FIP1L1: variants seen among roughly 807,000 people sequenced by gnomAD.
FIP1L1 encodes factor interacting with PAPOLA and CPSF1.
A neutral mutation model predicts 84.6 loss-of-function variants in FIP1L1; 21 were observed. The ratio of observed to expected loss-of-function variants is 0.25; its 90% CI spans 0.18 to 0.36. The LOEUF (loss-of-function observed/expected upper bound fraction) is 0.36, where lower values mean the gene tolerates loss of function less well. Among genes scored for constraint, FIP1L1 ranks in the 10% least tolerant of loss-of-function variants. FIP1L1 has a pLI of 1.00. For synonymous variants in FIP1L1, 263 were observed against 242.3 expected (o/e 1.09, Z -0.80); for missense variants, 526 against 751.1 (o/e 0.70, Z 3.50).
At chr4:53,444,494 C>G (rs1357615177) in intron 15 of FIP1L1, among the ~76,000 whole-genome samples, 3 of 152,096 alleles carry the variant, frequency 2.0e-5, no homozygotes, top group African/African-American at 7.2e-5. Flanking sequence ...TGTAGGTCCC[C>G]TTTCATGTTC....
chr4:53,398,535 C>T (rs1748595196), intron 9 of FIP1L1, among the ~76,000 whole-genome samples: 2 of 152,134 alleles, frequency 1.3e-5, no homozygotes, highest in Non-Finnish European at 2.9e-5. Context: ...TCTTGAGATT[C>T]TCTTGGCCTT....
At chr4:53,392,524 A>G (rs1462047959) in intron 9 of FIP1L1, among the ~76,000 whole-genome samples, 1 of 152,250 alleles carries the variant, frequency 6.6e-6, no homozygotes, top group East Asian at 1.9e-4. Flanking sequence ...TTAAAGGGTC[A>G]TCAGTTTTTT....
At chr4:53,454,666 A>G (rs1371708050) in intron 16 of FIP1L1, among the ~76,000 whole-genome samples, 2 of 152,142 alleles carry the variant, frequency 1.3e-5, no homozygotes, top group Admixed American at 6.5e-5. Context: ...CCATAATTCT[A>G]AGTCGATTTA....
intron 11 of FIP1L1, among the ~76,000 whole-genome samples, chr4:53,421,084 A>C (rs1762224763): frequency 6.6e-6 from 1 of 152,216 alleles, no homozygotes; most frequent in Non-Finnish European, 1.5e-5. Context: ...TTTGATATGC[A>C]GGCAAGGTTG....
rs763328622 is a variant in FIP1L1 at position 53,377,847 on chromosome 4, C to T, written c.9C>T (p.Ala3=). Residue 3 remains alanine, a synonymous_variant, in exon 1 of 18, where the codon GCC becomes GCT. Coordinates refer to ENST00000337488, the MANE Select transcript of FIP1L1 (RefSeq NM_030917.4). MS[A]GEVERLVSEL... is the part of the protein sequence containing the mutation. ...TTGCGCTCGGGGCGGCCATGTCGGC[C>T]GGCGAGGTCGAGCGCCTAGTGTCGG... The T allele has an allele frequency of 5.7e-6, 9 of 1,583,956 alleles. No homozygotes were observed. The highest frequency in any genetic ancestry group is 1.7e-4 in the Middle Eastern group (1 of 6,006).
At chr4:53,407,192 A>G (rs1754069422) in intron 10 of FIP1L1, among the ~76,000 whole-genome samples, 1 of 151,938 alleles carries the variant, frequency 6.6e-6, no homozygotes, top group Non-Finnish European at 1.5e-5. Flanking sequence ...TGTGTCCCAG[A>G]GATTCTGGTA....
chr4:53,395,955 G>A (rs1214152022), intron 9 of FIP1L1, among the ~76,000 whole-genome samples: 1 of 146,026 alleles, frequency 6.8e-6, no homozygotes, highest in East Asian at 2.0e-4. Context: ...TTTCACTCTT[G>A]TTGCCCATGC....
At chr4:53,379,364 C>A in intron 3 of FIP1L1, 100 bp downstream of exon 3, 2 of 1,010,406 alleles carry the variant, frequency 2.0e-6, no homozygotes, top group Non-Finnish European at 1.5e-6. Context: ...GGCTTCATTA[C>A]AACACTGACT....
chr4:53,453,006 G>A lies in FIP1L1; in HGVS notation c.1372G>A (p.Glu458Lys). 1 of 1,613,830 alleles carries A rather than the reference G, an allele frequency of 6.2e-7. No individual in the cohort carries two copies. The highest frequency in any genetic ancestry group is 8.5e-7 in the Non-Finnish European group (1 of 1,179,920). Residue 458 changes from glutamate (E) to lysine (K), a missense_variant, in exon 16 of 18, where the codon GAG becomes AAG. Coordinates refer to ENST00000337488, the MANE Select transcript of FIP1L1 (RefSeq NM_030917.4). ...SKQWDYYARR[E>K]KDRDRERDRD... is the part of the protein sequence containing the mutation. ...GCAGTGGGACTATTATGCCAGAAGA[G>A]AGAAAGACCGAGATAGAGAGAGAGA...
intron 12 of FIP1L1, among the ~76,000 whole-genome samples, chr4:53,426,705 T>C (rs1175663762): frequency 1.3e-5 from 2 of 152,202 alleles, no homozygotes; most frequent in Non-Finnish European, 2.9e-5. Context: ...CATCTAAAAT[T>C]ATCATTTGTA....
chr4:53,414,622 ACTT>A lies in FIP1L1; in HGVS notation c.829_831del (p.Ser277del). The A allele has an allele frequency of 6.2e-7, 1 of 1,610,510 alleles. No individual in the cohort carries two copies. Among genetic ancestry groups the A allele is most frequent in the Non-Finnish European group, 8.5e-7 (1 of 1,177,482 alleles). On this transcript the variant is annotated inframe_deletion, in exon 11 of 18. Transcript: ENST00000337488. ...GAAAATTTATCTCACCAGAAACAGC[ACTT>A]CTTCTCAGTCTCAGACAAGTACTGC...
At chr4:53,445,948 T>C (rs1774006799) in intron 15 of FIP1L1, among the ~76,000 whole-genome samples, 1 of 152,172 alleles carries the variant, frequency 6.6e-6, no homozygotes, top group Non-Finnish European at 1.5e-5. Flanking sequence ...TAGGATGTCA[T>C]GTACTCAATA....
chr4:53,442,383 A>G (rs1772319497), intron 13 of FIP1L1: 2 of 329,798 alleles, frequency 6.1e-6, no homozygotes, highest in East Asian at 5.2e-5. Context: ...TCATACTTAC[A>G]AAATGGGCTG....
At chr4:53,447,900 T>A (rs1343137967) in intron 15 of FIP1L1, among the ~76,000 whole-genome samples, 1 of 152,016 alleles carries the variant, frequency 6.6e-6, no homozygotes, top group Non-Finnish European at 1.5e-5. Context: ...ATCACATGAG[T>A]TCAGGTGTGG....
At chr4:53,442,465 ACTTAAAGTTTTATT>A in intron 13 of FIP1L1, 174 bp from the exon 14 acceptor site, 1 of 550,902 alleles carries the variant, frequency 1.8e-6, no homozygotes, top group Non-Finnish European at 3.2e-6. Flanking sequence ...CAGACTGCTT[ACTTAAAGTTTTATT>A]GCGCTAAAAA....
At chr4:53,392,223 C>T (rs1744623271) in intron 9 of FIP1L1, among the ~76,000 whole-genome samples, 1 of 152,118 alleles carries the variant, frequency 6.6e-6, no homozygotes, top group African/African-American at 2.4e-5. Flanking sequence ...ATAGTTGACT[C>T]TTATATTGAA....
At chr4:53,391,669 A>G (rs1210772450) in intron 9 of FIP1L1, among the ~76,000 whole-genome samples, 171 bp downstream of exon 9, 3 of 152,180 alleles carry the variant, frequency 2.0e-5, no homozygotes, top group Non-Finnish European at 4.4e-5. Context: ...CCACTTTTGC[A>G]AGCATGTGAA....
intron 16 of FIP1L1, among the ~76,000 whole-genome samples, chr4:53,455,250 A>C (rs1718316352): frequency 6.6e-6 from 1 of 152,174 alleles, no homozygotes; most frequent in African/African-American, 2.4e-5. Flanking sequence ...TCACTGGAGT[A>C]GCACTTTTAA....
chr4:53,387,433 A>G (rs1741700560), intron 5 of FIP1L1, among the ~76,000 whole-genome samples: 1 of 152,246 alleles, frequency 6.6e-6, no homozygotes, highest in Admixed American at 6.5e-5. Context: ...ACCTCCCACA[A>G]AACAGATTCA....
Sources: gnomAD v4.1 joint callset for allele counts (sites outside exome capture counted in the v4.1 genomes callset) on GRCh38, gnomAD v4.1.1 for gene constraint, MANE v1.5 for transcripts, NCBI Gene and HGNC (gene_info 2026-07-23, HGNC 2026-07-21) for gene names.